The following ANTXR2 variants were observed in gnomAD, a reference collection of about 807,000 sequenced individuals.
ANTXR2 encodes anthrax toxin receptor 2.
Under a neutral mutation model 73.7 loss-of-function variants are expected in ANTXR2, and 44 were observed. That is an observed-to-expected ratio of 0.60 (90% confidence interval 0.47 to 0.77). The LOEUF is 0.77. ANTXR2 is among the 30% of genes least tolerant of loss of function. The pLI is 0.00. For missense variants in ANTXR2, 604 were observed against 592.5 expected (o/e 1.02, Z -0.20); for synonymous variants, 217 against 205.9 (o/e 1.05, Z -0.46).
At chr4:80,064,372 C>T (rs550794183) in intron 3 of ANTXR2, among the ~76,000 whole-genome samples, 1 of 152,136 alleles carries the variant, frequency 6.6e-6, no homozygotes, top group South Asian at 2.1e-4. Context: ...TCTATGATGG[C>T]AGCTAATAAC....
chr4:80,060,977 C>T (rs369161815), intron 3 of ANTXR2, among the ~76,000 whole-genome samples: 22 of 152,232 alleles, frequency 1.4e-4, no homozygotes, highest in Middle Eastern at 3.4e-3. Flanking sequence ...GTTAGCAAGT[C>T]GGTGCCAGCG....
At chr4:80,026,455 C>T (rs1400676853) in intron 10 of ANTXR2, among the ~76,000 whole-genome samples, 1 of 152,054 alleles carries the variant, frequency 6.6e-6, no homozygotes, top group Admixed American at 6.6e-5. Context: ...CGGACTAATA[C>T]ATTTAGTAAT....
intron 16 of ANTXR2, among the ~76,000 whole-genome samples, chr4:79,964,327 T>C (rs1729265039): frequency 1.3e-5 from 2 of 152,350 alleles, no homozygotes; most frequent in African/African-American, 4.8e-5. Context: ...GGAGAACGCA[T>C]GGTAATGCAT....
intron 3 of ANTXR2, among the ~76,000 whole-genome samples, chr4:80,059,949 A>G (rs770946292): frequency 6.6e-6 from 1 of 152,166 alleles, no homozygotes; most frequent in African/African-American, 2.4e-5. Context: ...CCAACTAACA[A>G]TGAAGGCATA....
intron 10 of ANTXR2, among the ~76,000 whole-genome samples, chr4:80,019,561 C>T (rs1192020222): frequency 6.6e-6 from 1 of 152,116 alleles, no homozygotes; most frequent in Non-Finnish European, 1.5e-5. Flanking sequence ...GTTTCAGGTT[C>T]ACAAAAACCT....
chr4:79,965,476 T>TA (rs923778491), intron 16 of ANTXR2, among the ~76,000 whole-genome samples: 7 of 152,180 alleles, frequency 4.6e-5, no homozygotes, highest in African/African-American at 1.4e-4. Flanking sequence ...CATTTCTAAC[T>TA]AAAAAAATTG....
intron 12 of ANTXR2, among the ~76,000 whole-genome samples, chr4:79,992,498 T>A (rs1421126348): frequency 6.6e-6 from 1 of 151,940 alleles, no homozygotes; most frequent in African/African-American, 2.4e-5. Context: ...AATTCAATTT[T>A]ATTTTTTTAA....
At chr4:80,056,887 C>T (rs1472151563) in intron 3 of ANTXR2, among the ~76,000 whole-genome samples, 2 of 151,380 alleles carry the variant, frequency 1.3e-5, no homozygotes, top group South Asian at 4.2e-4. Flanking sequence ...TGAAACCTCT[C>T]GAAAATAAAT....
chr4:80,059,239 GTTTTC>G (rs1156856202), intron 3 of ANTXR2, among the ~76,000 whole-genome samples: 1 of 151,816 alleles, frequency 6.6e-6, no homozygotes, highest in Non-Finnish European at 1.5e-5. Flanking sequence ...TAAAGCCCTG[GTTTTC>G]TTTAATTGAG....
intron 16 of ANTXR2, among the ~76,000 whole-genome samples, chr4:79,910,524 A>G (rs1727089177): frequency 9.2e-6 from 1 of 108,668 alleles, no homozygotes; most frequent in South Asian, 3.2e-4. Flanking sequence ...AAAAAAAAAG[A>G]AAAAAAAGAA....
intron 3 of ANTXR2, among the ~76,000 whole-genome samples, chr4:80,067,038 TACTA>T (rs1734533600): frequency 6.6e-6 from 1 of 152,086 alleles, no homozygotes; most frequent in Non-Finnish European, 1.5e-5. Context: ...ACCCCGTCTC[TACTA>T]AAAAATACAA....
At chr4:80,000,670 A>G (rs924418989) in intron 12 of ANTXR2, among the ~76,000 whole-genome samples, 1 of 152,090 alleles carries the variant, frequency 6.6e-6, no homozygotes, top group South Asian at 2.1e-4. Context: ...ATGTTATAAG[A>G]ATTTTGGCTA....
intron 12 of ANTXR2, among the ~76,000 whole-genome samples, chr4:80,007,836 G>C (rs1489589812): frequency 1.3e-5 from 2 of 152,118 alleles, no homozygotes; most frequent in African/African-American, 4.8e-5. Context: ...TTTAGTCCAC[G>C]TAAACCCAGT....
At chr4:79,928,545 A>G (rs989478253) in intron 16 of ANTXR2, among the ~76,000 whole-genome samples, 3 of 152,188 alleles carry the variant, frequency 2.0e-5, no homozygotes, top group Non-Finnish European at 2.9e-5. Flanking sequence ...AAATATTGTC[A>G]TTATTTATAG....
chr4:80,055,203 A>G lies in ANTXR2; in HGVS notation c.502T>C (p.Ser168Pro). ...ACACAATAAACACTAGCCCCAAGTG[A>G]CCTGGATATCTTTGCCTATGGAGAA... ...YAEKEAKISR[S>P]LGASVYCVGV... Residue 168 changes from serine (S) to proline (P), a missense_variant, in exon 6 of 17, where the codon TCA becomes CCA. Transcript: ENST00000403729. 6.4e-7 allele frequency: 1 copy of G among 1,569,338 alleles called. No homozygotes were observed. Among genetic ancestry groups the G allele is most frequent in the Non-Finnish European group, 8.7e-7 (1 of 1,155,606 alleles).
chr4:79,947,920 T>C (rs1045477945), intron 16 of ANTXR2, among the ~76,000 whole-genome samples: 3 of 152,152 alleles, frequency 2.0e-5, no homozygotes, highest in African/African-American at 4.8e-5. Flanking sequence ...CCAGAAGGTA[T>C]GTATTTGAGA....
intron 16 of ANTXR2, among the ~76,000 whole-genome samples, chr4:79,961,374 C>T: frequency 6.6e-6 from 1 of 151,874 alleles, no homozygotes; most frequent in Non-Finnish European, 1.5e-5. Flanking sequence ...ATACGTTGAG[C>T]CTCAGAAAAT....
chr4:79,963,892 ATGTT>A (rs1426988360), intron 16 of ANTXR2, among the ~76,000 whole-genome samples: 2 of 152,152 alleles, frequency 1.3e-5, no homozygotes, highest in African/African-American at 4.8e-5. Flanking sequence ...CAAAAAGAAA[ATGTT>A]TGTTTACTTC....
chr4:79,963,777 G>A (rs1323299122), intron 16 of ANTXR2, among the ~76,000 whole-genome samples: 7 of 151,982 alleles, frequency 4.6e-5, no homozygotes, highest in East Asian at 3.9e-4. Flanking sequence ...TCATATTTAC[G>A]TGTGCAAAAT....
Sources: allele counts gnomAD v4.1 joint callset (sites outside exome capture counted in the v4.1 genomes callset), GRCh38; gene constraint gnomAD v4.1.1; transcripts MANE v1.5; gene names NCBI Gene and HGNC (gene_info 2026-07-23, HGNC 2026-07-21).